Variants in KCNQ3 observed in about 807,000 individuals in gnomAD.
KCNQ3 encodes potassium voltage-gated channel subfamily KQT member 3.
In KCNQ3, 30 loss-of-function variants were observed where a neutral mutation model predicts 92.5. The ratio of observed to expected loss-of-function variants is 0.32; its 90% confidence interval spans 0.24 to 0.44. KCNQ3 has a LOEUF of 0.44. KCNQ3 is among the 20% of genes least tolerant of loss of function. The pLI is 1.00. For missense variants in KCNQ3, 913 were observed against 1,140.3 expected (o/e 0.80, Z 2.87); for synonymous variants, 450 against 468.8 (o/e 0.96, Z 0.52).
At chr8:132,175,741 G>A in intron 4 of KCNQ3, 133 bp from the exon 5 acceptor site, 1 of 789,106 alleles carries the variant, frequency 1.3e-6, no homozygotes, top group Non-Finnish European at 2.2e-6. Context: ...CACCTTCTCT[G>A]ATCTTCATCT....
At chr8:132,460,264 C>A (rs72721101) in intron 1 of KCNQ3, among the ~76,000 whole-genome samples, 1 of 151,916 alleles carries the variant, frequency 6.6e-6, no homozygotes, top group Non-Finnish European at 1.5e-5. Flanking sequence ...GAGCTGACAG[C>A]GCAAGGATAT....
At chr8:132,242,288 T>C (rs1325327157) in intron 1 of KCNQ3, among the ~76,000 whole-genome samples, 1 of 152,140 alleles carries the variant, frequency 6.6e-6, no homozygotes, top group Non-Finnish European at 1.5e-5. Flanking sequence ...CAGGGAATTA[T>C]GGAGGTGGGG....
intron 1 of KCNQ3, among the ~76,000 whole-genome samples, chr8:132,355,086 T>C (rs1390483871): frequency 2.6e-5 from 4 of 152,264 alleles, no homozygotes; most frequent in East Asian, 3.9e-4. Context: ...TTGTTCTTTA[T>C]GCTAGTTGAC....
intron 1 of KCNQ3, among the ~76,000 whole-genome samples, chr8:132,329,014 C>T (rs1223237515): frequency 1.3e-5 from 2 of 152,196 alleles, no homozygotes; most frequent in Non-Finnish European, 1.5e-5. Context: ...CAGGTACGCG[C>T]TGAGTGCCTA....
intron 10 of KCNQ3, chr8:132,140,833 T>C: frequency 2.2e-6 from 1 of 451,744 alleles, no homozygotes; most frequent in South Asian, 2.2e-5. Context: ...TTGACCTCCA[T>C]AACAATCCAA....
At chr8:132,406,024 G>A (rs774134436) in intron 1 of KCNQ3, among the ~76,000 whole-genome samples, 15 of 152,176 alleles carry the variant, frequency 9.9e-5, no homozygotes, top group Middle Eastern at 3.4e-3. Flanking sequence ...TGTGTGTGTG[G>A]GTGACTTAAA....
Position 132,187,841 on chromosome 8 carries a change from T to C in KCNQ3, c.387-1660A>G, listed in dbSNP as rs1490359669. On this transcript the variant is annotated intron_variant, in intron 1 of 14. Coordinates refer to ENST00000388996, the MANE Select transcript of KCNQ3 (RefSeq NM_004519.4). ...GTGGTGGTGGTGGTGATTGTGGTGG[T>C]GGTGGTGGTAGTGATGGTGGTGGTG... Among the ~76,000 whole-genome samples the C allele has an allele frequency of 2.4e-5, 3 of 126,314 alleles. No homozygotes were observed. In the East Asian group the frequency reaches 6.2e-4, roughly 26 times the overall value. The allele number at this position is 126,314 out of a possible 152,430, so 82.9% of individuals were successfully genotyped here.
chr8:132,420,956 T>C (rs1820950698), intron 1 of KCNQ3, among the ~76,000 whole-genome samples: 1 of 152,138 alleles, frequency 6.6e-6, no homozygotes, highest in Non-Finnish European at 1.5e-5. Context: ...TGGGTTGACA[T>C]GAAATACATT....
chr8:132,271,263 A>T (rs547119779), intron 1 of KCNQ3, among the ~76,000 whole-genome samples: 23 of 152,324 alleles, frequency 1.5e-4, no homozygotes, highest in African/African-American at 4.3e-4. Flanking sequence ...GGGCTTTGTC[A>T]CTTACATTAT....
intron 1 of KCNQ3, among the ~76,000 whole-genome samples, chr8:132,387,612 G>C (rs1208064132): frequency 6.6e-6 from 1 of 152,148 alleles, no homozygotes; most frequent in Non-Finnish European, 1.5e-5. Flanking sequence ...TCAAAGAAAA[G>C]TGACAATTTG....
chr8:132,134,224 T>C (rs1472020048), intron 13 of KCNQ3, 66 bp downstream of exon 13: 2 of 1,155,998 alleles, frequency 1.7e-6, no homozygotes, highest in Middle Eastern at 5.4e-4. Flanking sequence ...CAGCAGAGGT[T>C]TGGGGGTGGG....
chr8:132,134,364 T>A lies in KCNQ3; in HGVS notation c.1725A>T (p.Gly575=). 1 of 1,613,034 alleles carries A rather than the reference T, an allele frequency of 6.2e-7. No individual in the cohort carries two copies. Among genetic ancestry groups the A allele is most frequent in the Non-Finnish European group, 8.5e-7 (1 of 1,179,180 alleles). The change falls in exon 13 of 15, where the codon GGA becomes GGT. Residue 575 remains glycine (G), a synonymous_variant. Transcript: ENST00000388996. ...TCTTGTGTTTTGGCGTGGAGGGAGG[T>A]CCAGGGGTGAAAATCATATCTATTC... ...QTRIDMIFTP[G]PPSTPKHKKS...
intron 1 of KCNQ3, among the ~76,000 whole-genome samples, chr8:132,289,210 A>T (rs1167209473): frequency 2.0e-5 from 3 of 152,216 alleles, no homozygotes; most frequent in Non-Finnish European, 2.9e-5. Flanking sequence ...GGAGGGATAG[A>T]AAGAAGCTTT....
chr8:132,272,312 G>C (rs1816175018), intron 1 of KCNQ3, among the ~76,000 whole-genome samples: 1 of 152,216 alleles, frequency 6.6e-6, no homozygotes, highest in South Asian at 2.1e-4. Flanking sequence ...CTATGGAGGT[G>C]AGGCTGGAAT....
intron 1 of KCNQ3, among the ~76,000 whole-genome samples, chr8:132,427,517 C>T (rs182073892): frequency 5.3e-5 from 8 of 152,290 alleles, no homozygotes; most frequent in Admixed American, 3.9e-4. Flanking sequence ...ACTTAAAATC[C>T]TACCAGGTCT....
intron 9 of KCNQ3, among the ~76,000 whole-genome samples, chr8:132,144,244 C>G (rs754174268): frequency 4.3e-4 from 66 of 152,214 alleles, no homozygotes; most frequent in Non-Finnish European, 7.6e-4. Context: ...GAAGTCTCGG[C>G]TCAGAATTGC....
chr8:132,352,350 G>A (rs888002597), intron 1 of KCNQ3, among the ~76,000 whole-genome samples: 4 of 152,122 alleles, frequency 2.6e-5, no homozygotes, highest in Non-Finnish European at 5.9e-5. Flanking sequence ...GGGGTGCTGC[G>A]ATCGTCTAGT....
At position 132,128,145 on chromosome 8, in the gene KCNQ3, A is replaced by T. The variant is rs573737891; in HGVS notation, c.*1117T>A. The T allele has an allele frequency of 3.8e-4, 58 of 152,320 alleles. No homozygotes were observed. The highest frequency in any genetic ancestry group is 1.3e-3 in the African/African-American group (54 of 41,576). The allele number at this position is 152,320 out of a possible 1,614,324, so 9.4% of individuals were successfully genotyped here. Reference sequence around the variant, plus strand: ...TATCTTGACACAATCTCTAGGATGCATTATATAAATGGAAGAATGGTGTGG... The same window carrying T: ...TATCTTGACACAATCTCTAGGATGCTTTATATAAATGGAAGAATGGTGTGG... On this transcript the variant is annotated 3_prime_UTR_variant, in exon 15 of 15. Transcript: ENST00000388996.
chr8:132,318,618 C>G (rs529243239), intron 1 of KCNQ3, among the ~76,000 whole-genome samples: 5 of 152,244 alleles, frequency 3.3e-5, no homozygotes, highest in Middle Eastern at 3.4e-3. Context: ...CGCTTGTCAG[C>G]GATGCTGGGA....
Sources: allele counts gnomAD v4.1 joint callset (sites outside exome capture counted in the v4.1 genomes callset), GRCh38; gene constraint gnomAD v4.1.1; transcripts MANE v1.5; gene names NCBI Gene and HGNC (gene_info 2026-07-23, HGNC 2026-07-21).